TBC1D12: variants seen among roughly 807,000 people sequenced by gnomAD.
TBC1D12 encodes the protein TBC1 domain family, member 12.
In TBC1D12, 56 loss-of-function variants were observed where a neutral mutation model predicts 86.7. The ratio of observed to expected loss-of-function variants is 0.65; its 90% confidence interval spans 0.52 to 0.81. TBC1D12 has a LOEUF of 0.81. TBC1D12 is among the 30% of genes least tolerant of loss of function. The probability of loss-of-function intolerance (pLI) is 0.00; values close to 1 mark genes in which losing one functional copy is unlikely to be tolerated. For missense variants in TBC1D12, 1,023 were observed against 1,038.8 expected, an observed-to-expected ratio of 0.98 and a Z score of 0.21; for synonymous variants, 421 against 411.7, an observed-to-expected ratio of 1.02 and a Z score of -0.27.
chr10:94,459,528 T>C (rs2055689968), intron 2 of TBC1D12, among the ~76,000 whole-genome samples: 2 of 152,212 alleles, frequency 1.3e-5, no homozygotes, highest in Admixed American at 1.3e-4. Context: ...GATGGGACCT[T>C]GCGCCATGGA....
At chr10:94,446,132 A>G (rs2055458741) in intron 2 of TBC1D12, among the ~76,000 whole-genome samples, 1 of 152,120 alleles carries the variant, frequency 6.6e-6, no homozygotes, top group African/African-American at 2.4e-5. Context: ...TAAATTTACA[A>G]TTTTATGTCT....
At chr10:94,423,291 C>G (rs1323791168) in intron 1 of TBC1D12, among the ~76,000 whole-genome samples, 3 of 148,840 alleles carry the variant, frequency 2.0e-5, no homozygotes, top group Admixed American at 6.7e-5. Context: ...TACAAAGGCT[C>G]TGTGAAGCTG....
At chr10:94,493,905 TCTA>T (rs1429937749) in intron 4 of TBC1D12, among the ~76,000 whole-genome samples, 2 of 152,210 alleles carry the variant, frequency 1.3e-5, no homozygotes, top group South Asian at 4.1e-4. Context: ...AACTTGGACT[TCTA>T]CTATCTTAGT....
intron 5 of TBC1D12, 96 bp from the exon 6 acceptor site, chr10:94,500,125 G>A: frequency 9.3e-7 from 1 of 1,074,294 alleles, no homozygotes; most frequent in Non-Finnish European, 1.3e-6. Context: ...AAAATGATTT[G>A]ATCACTTGGC....
chr10:94,515,884 G>A (rs960985457), intron 9 of TBC1D12, among the ~76,000 whole-genome samples: 1 of 149,740 alleles, frequency 6.7e-6, no homozygotes, highest in African/African-American at 2.5e-5. Flanking sequence ...TCTTATAACC[G>A]AGATGGCTAC....
chr10:94,429,741 C>CTT (rs375987756), intron 1 of TBC1D12, among the ~76,000 whole-genome samples: 1 of 148,400 alleles, frequency 6.7e-6, no homozygotes, highest in African/African-American at 2.5e-5. Context: ...ATCCCCTCCA[C>CTT]TTTTTTTTTT....
chr10:94,523,231 G>A (rs1842203850), intron 11 of TBC1D12, among the ~76,000 whole-genome samples: 1 of 146,440 alleles, frequency 6.8e-6, no homozygotes, highest in Admixed American at 6.9e-5. Context: ...CATAGACTCT[G>A]GGTTGAAATC....
intron 1 of TBC1D12, among the ~76,000 whole-genome samples, chr10:94,435,598 T>C (rs916653716): frequency 2.0e-5 from 3 of 152,204 alleles, no homozygotes; most frequent in Non-Finnish European, 4.4e-5. Flanking sequence ...GTGTGCTAAT[T>C]TTTTGTCATT....
intron 1 of TBC1D12, among the ~76,000 whole-genome samples, chr10:94,405,702 T>C (rs1230600803): frequency 6.6e-6 from 1 of 152,152 alleles, no homozygotes; most frequent in East Asian, 1.9e-4. Context: ...CTGCCATGCA[T>C]TGTGAATAGA....
chr10:94,535,109 G>GCAAC lies in TBC1D12; in HGVS notation c.*2013_*2014insCAAC, dbSNP rs1564999150. 2 of 152,100 alleles carry GCAAC rather than the reference G, an allele frequency of 1.3e-5. No individual in the cohort carries two copies. Among genetic ancestry groups the GCAAC allele is most frequent in the African/African-American group, 4.8e-5 (2 of 41,432 alleles). 9.4% of individuals were successfully genotyped at this position (152,100 alleles called of 1,614,324 possible). A position where few individuals can be genotyped will look rare whatever the true frequency, so the allele number is the denominator to read the frequency against. The stretch of plus-strand genomic sequence containing the variant: ...TTAAATGTAGTCAACAGCAATGTCA[G>GCAAC]AACAATTGACATTGTCTTTCCAAGA... On this transcript the variant is annotated 3_prime_UTR_variant, in exon 13 of 13. Coordinates refer to ENST00000225235, the MANE Select transcript of TBC1D12 (RefSeq NM_015188.2).
At chr10:94,410,783 T>TTACCTA (rs1286519367) in intron 1 of TBC1D12, among the ~76,000 whole-genome samples, 6 of 152,210 alleles carry the variant, frequency 3.9e-5, no homozygotes. Flanking sequence ...ATAAGTAACT[T>TTACCTA]GGTTTTTGTC....
intron 1 of TBC1D12, among the ~76,000 whole-genome samples, chr10:94,439,237 A>G (rs903600745): frequency 1.3e-5 from 2 of 152,156 alleles, no homozygotes; most frequent in African/African-American, 2.4e-5. Context: ...CAGTTCATCA[A>G]CTTTTTCTTT....
chr10:94,408,128 G>A (rs557748379), intron 1 of TBC1D12, among the ~76,000 whole-genome samples: 76 of 152,186 alleles, frequency 5.0e-4, no homozygotes, highest in African/African-American at 1.8e-3. Flanking sequence ...GGATTGCATT[G>A]GCATAGTTAC....
chr10:94,481,293 G>A (rs1427243279), intron 3 of TBC1D12, among the ~76,000 whole-genome samples: 1 of 151,386 alleles, frequency 6.6e-6, no homozygotes, highest in African/African-American at 2.4e-5. Context: ...ATTGACTTCT[G>A]TCTTGCTTAG....
intron 9 of TBC1D12, among the ~76,000 whole-genome samples, chr10:94,512,331 CAAAG>C (rs1248578789): frequency 6.6e-6 from 1 of 152,058 alleles, no homozygotes; most frequent in Non-Finnish European, 1.5e-5. Flanking sequence ...TGCAGGAGAA[CAAAG>C]AAAGATGTGA....
At chr10:94,441,316 ATAAC>A (rs2055377990) in intron 1 of TBC1D12, among the ~76,000 whole-genome samples, 1 of 152,018 alleles carries the variant, frequency 6.6e-6, no homozygotes, top group South Asian at 2.1e-4. Flanking sequence ...TTTATTATAA[ATAAC>A]AAATTATTAC....
intron 9 of TBC1D12, among the ~76,000 whole-genome samples, chr10:94,515,139 C>T (rs1003020641): frequency 1.3e-5 from 2 of 151,226 alleles, no homozygotes; most frequent in African/African-American, 4.9e-5. Context: ...GATCTCCTGA[C>T]CTCGTGATCC....
At chr10:94,437,673 G>T (rs75281303) in intron 1 of TBC1D12, among the ~76,000 whole-genome samples, 1,850 of 152,104 alleles carry the variant, frequency 0.012, 54 homozygotes, top group African/African-American at 0.043. Context: ...GGTACACTTA[G>T]TAATGTCTCA....
intron 1 of TBC1D12, among the ~76,000 whole-genome samples, chr10:94,408,891 G>A (rs1288253664): frequency 6.6e-6 from 1 of 152,194 alleles, no homozygotes; most frequent in Non-Finnish European, 1.5e-5. Flanking sequence ...CAAGGAGAAT[G>A]AAGGAAGAAT....
Sources: gnomAD v4.1 joint callset for allele counts (sites outside exome capture counted in the v4.1 genomes callset) on GRCh38, gnomAD v4.1.1 for gene constraint, MANE v1.5 for transcripts, NCBI Gene and HGNC (gene_info 2026-07-23, HGNC 2026-07-21) for gene names.